Variants in IPPK observed in about 807,000 individuals in gnomAD.
IPPK encodes the protein inositol-pentakisphosphate 2-kinase.
A neutral mutation model predicts 64.6 loss-of-function variants in IPPK; 22 were observed. That is an observed-to-expected ratio of 0.34 (90% CI 0.24 to 0.49). The LOEUF (loss-of-function observed/expected upper bound fraction) is 0.49, where lower values mean the gene tolerates loss of function less well. Ranked by LOEUF, IPPK falls within the 20% of genes least tolerant of loss-of-function variation. The pLI, the probability that IPPK is intolerant of heterozygous loss-of-function variation, is 0.99. For synonymous variants in IPPK, 262 were observed against 247.2 expected, an observed-to-expected ratio of 1.06 and a Z score of -0.56; for missense variants, 532 against 630.7, an observed-to-expected ratio of 0.84 and a Z score of 1.68.
chr9:92,631,873 T>C (rs1405834434), intron 11 of IPPK, among the ~76,000 whole-genome samples: 1 of 152,224 alleles, frequency 6.6e-6, no homozygotes, highest in Non-Finnish European at 1.5e-5. Context: ...ATCCCCTGGT[T>C]TGACCTTTTA....
chr9:92,656,339 T>G, intron 3 of IPPK, 117 bp downstream of exon 3: 7 of 699,036 alleles, frequency 1.0e-5, no homozygotes, highest in East Asian at 5.4e-5. Context: ...GAGAAACACT[T>G]GGAGACTAGC....
intron 1 of IPPK, among the ~76,000 whole-genome samples, chr9:92,665,098 G>A (rs1175955362): frequency 5.3e-5 from 8 of 152,114 alleles, no homozygotes; most frequent in Admixed American, 5.2e-4. Flanking sequence ...GCTCAAATGA[G>A]ACAAGAAGGA....
At chr9:92,667,409 C>G (rs1852622460) in intron 1 of IPPK, among the ~76,000 whole-genome samples, 1 of 152,222 alleles carries the variant, frequency 6.6e-6, no homozygotes, top group South Asian at 2.1e-4. Context: ...TCTCTCTCCT[C>G]CTCGGTCCAC....
chr9:92,663,448 C>T (rs751867837), intron 1 of IPPK, among the ~76,000 whole-genome samples: 22 of 152,170 alleles, frequency 1.4e-4, no homozygotes, highest in Non-Finnish European at 2.6e-4. Flanking sequence ...TGGTGTTAAG[C>T]GATGCTTGAC....
At chr9:92,620,807 T>G (rs769741842) in intron 11 of IPPK, among the ~76,000 whole-genome samples, 14 of 152,216 alleles carry the variant, frequency 9.2e-5, no homozygotes, top group Admixed American at 7.8e-4. Flanking sequence ...TTACACTCTA[T>G]TCAGTTAGCT....
intron 1 of IPPK, among the ~76,000 whole-genome samples, chr9:92,667,996 G>A (rs745934699): frequency 6.6e-6 from 1 of 150,770 alleles, no homozygotes; most frequent in Admixed American, 6.6e-5. Flanking sequence ...TCAACCTGGC[G>A]TGGTGGCTCA....
At chr9:92,616,301 G>A in intron 12 of IPPK, 1 of 446,494 alleles carries the variant, frequency 2.2e-6, no homozygotes, top group Non-Finnish European at 4.1e-6. Flanking sequence ...CCGGCTGTGT[G>A]CACCAGCGTG....
Position 92,635,903 on chromosome 9 carries a change from C to A in IPPK, c.917-595G>T, listed in dbSNP as rs1414925024. On this transcript the variant is annotated intron_variant, in intron 9 of 12. Coordinates refer to ENST00000287996, the MANE Select transcript of IPPK (RefSeq NM_022755.6). This position sits in a 1 kb window ranked among gnomAD's most constrained non-coding sequence, Gnocchi z 4.4. ...CAGAGTCCAGAGCCATGAGCCCACA[C>A]TGAGAGGCAGGTAAGACCTGGGCTG... 6.6e-6 allele frequency among the ~76,000 whole-genome samples: 1 copy of A among 152,120 alleles called. No individual in the cohort carries two copies. The highest frequency in any genetic ancestry group is 1.5e-5 in the Non-Finnish European group (1 of 68,020).
intron 11 of IPPK, among the ~76,000 whole-genome samples, chr9:92,623,370 C>G (rs1265086841): frequency 6.6e-6 from 1 of 151,192 alleles, no homozygotes; most frequent in Non-Finnish European, 1.5e-5. Context: ...GGAGACGGAG[C>G]TTGCAGTGAG....
At chr9:92,659,822 T>C (rs1316643470) in intron 1 of IPPK, among the ~76,000 whole-genome samples, 1 of 152,106 alleles carries the variant, frequency 6.6e-6, no homozygotes, top group Non-Finnish European at 1.5e-5. Context: ...TGCTCTTAAA[T>C]CCCAGGCACC....
intron 4 of IPPK, among the ~76,000 whole-genome samples, 169 bp downstream of exon 4, chr9:92,652,404 G>A (rs1209020358): frequency 1.4e-5 from 2 of 141,060 alleles, no homozygotes; most frequent in Admixed American, 7.6e-5. Context: ...AGCCGAGATC[G>A]CACCACTGCA....
intron 1 of IPPK, among the ~76,000 whole-genome samples, chr9:92,665,470 T>C (rs2131466432): frequency 6.6e-6 from 1 of 152,356 alleles, no homozygotes; most frequent in Non-Finnish European, 1.5e-5. Context: ...ATTATCTCCT[T>C]AGAACGGACT....
intron 1 of IPPK, among the ~76,000 whole-genome samples, chr9:92,665,723 A>G (rs1852581491): frequency 6.6e-6 from 1 of 152,178 alleles, no homozygotes; most frequent in African/African-American, 2.4e-5. Flanking sequence ...TTTCTACGTA[A>G]CTGTAAACAC....
intron 10 of IPPK, 127 bp from the exon 11 acceptor site, chr9:92,634,615 A>G (rs1368377917): frequency 7.4e-6 from 5 of 674,676 alleles, no homozygotes; most frequent in African/African-American, 1.8e-5. Context: ...AACACATAAC[A>G]GATCTATCTC....
intron 4 of IPPK, 102 bp from the exon 5 acceptor site, chr9:92,649,676 T>C: frequency 7.4e-7 from 1 of 1,347,392 alleles, no homozygotes; most frequent in South Asian, 1.3e-5. Flanking sequence ...CCAGGGGGCA[T>C]CTCTGTACCT....
Position 92,656,480 on chromosome 9 carries a change from CA to C in IPPK, c.200del (p.Leu67TrpfsTer16). ...CCCCATAATGAACATAGTTCTCCCC[CA>C]AAAACTCCTTCATGACATTTTTCCC... ...DFGKNVMKEF[L>X]GENYVHYGEV... On this transcript the variant is annotated frameshift_variant, in exon 3 of 13. Coordinates refer to ENST00000287996, the MANE Select transcript of IPPK (RefSeq NM_022755.6). LOFTEE classifies it high-confidence loss of function. 2 of 1,612,608 alleles carry C rather than the reference CA, an allele frequency of 1.2e-6. No homozygotes were observed. Among genetic ancestry groups the C allele is most frequent in the Non-Finnish European group, 1.7e-6 (2 of 1,178,612 alleles).
chr9:92,632,605 T>G (rs1178107028), intron 11 of IPPK, among the ~76,000 whole-genome samples: 2 of 152,244 alleles, frequency 1.3e-5, no homozygotes, highest in African/African-American at 2.4e-5. Context: ...TAAATCAACG[T>G]ACCCAACTGG....
intron 10 of IPPK, among the ~76,000 whole-genome samples, 154 bp from the exon 11 acceptor site, chr9:92,634,642 A>C (rs1387435087): frequency 6.6e-6 from 1 of 152,236 alleles, no homozygotes; most frequent in Admixed American, 6.5e-5. Context: ...GTTAAACATC[A>C]AGGTTTTTAA....
Position 92,670,013 on chromosome 9 carries a change from G to A in IPPK, c.-25C>T, listed in dbSNP as rs777241538. Reference sequence around the variant, plus strand: ...TGCCCAGGCGCAGCCCTGGCGCCTCGCGGGCTAGGACTCGGGGACGCGAGC... The same window carrying A: ...TGCCCAGGCGCAGCCCTGGCGCCTCACGGGCTAGGACTCGGGGACGCGAGC... On this transcript the variant is annotated 5_prime_UTR_variant, in exon 1 of 13. Transcript: ENST00000287996. 9 of 1,578,420 alleles carry A rather than the reference G, an allele frequency of 5.7e-6. No homozygotes were observed. The highest frequency in any genetic ancestry group is 3.5e-6 in the Non-Finnish European group (4 of 1,155,448).
Sources: gnomAD v4.1 joint callset for allele counts (sites outside exome capture counted in the v4.1 genomes callset) on GRCh38, gnomAD v4.1.1 for gene constraint, Gnocchi (gnomAD v3.1) non-coding constraint, MANE v1.5 for transcripts, NCBI Gene and HGNC (gene_info 2026-07-23, HGNC 2026-07-21) for gene names.